The following SECISBP2L variants were observed in gnomAD, a reference collection of about 807,000 sequenced individuals.
SECISBP2L encodes the protein SECIS binding protein 2 like.
Under a neutral mutation model 114.7 loss-of-function variants are expected in SECISBP2L, and 43 were observed. The observed-to-expected ratio is 0.38, with a 90% confidence interval of 0.29 to 0.48. SECISBP2L has a LOEUF of 0.48. Ranked by LOEUF, SECISBP2L falls within the 20% of genes least tolerant of loss-of-function variation. The pLI is 0.98. For missense variants in SECISBP2L, 1,136 were observed against 1,301.1 expected, an observed-to-expected ratio of 0.87 and a Z score of 1.95; for synonymous variants, 451 against 439.7, an observed-to-expected ratio of 1.03 and a Z score of -0.32.
intron 7 of SECISBP2L, among the ~76,000 whole-genome samples, chr15:49,025,515 TG>T (rs1017590316): frequency 2.0e-5 from 3 of 152,184 alleles, no homozygotes; most frequent in African/African-American, 7.2e-5. Context: ...TAAGTACTTA[TG>T]TGTAGAATTT....
intron 12 of SECISBP2L, among the ~76,000 whole-genome samples, chr15:49,012,329 G>A (rs1441543161): frequency 1.3e-5 from 2 of 152,180 alleles, no homozygotes; most frequent in Non-Finnish European, 2.9e-5. Context: ...AAAATGATAT[G>A]TGTAGCAAGC....
intron 14 of SECISBP2L, 75 bp from the exon 15 acceptor site, chr15:49,001,172 T>C (rs1451434030): frequency 7.8e-6 from 7 of 898,648 alleles, no homozygotes; most frequent in East Asian, 2.6e-5. Flanking sequence ...ATTAAGAAAA[T>C]ATCTCTAAGA....
intron 13 of SECISBP2L, among the ~76,000 whole-genome samples, chr15:49,010,703 G>A (rs887620329): frequency 4.6e-5 from 7 of 152,016 alleles, no homozygotes; most frequent in Non-Finnish European, 1.0e-4. Context: ...GTAGAGACAG[G>A]GTTTTGCCTT....
intron 1 of SECISBP2L, among the ~76,000 whole-genome samples, chr15:49,040,201 CAGTATGTGCCTTTATTAA>C (rs1386756635): frequency 6.6e-6 from 1 of 152,172 alleles, no homozygotes; most frequent in Non-Finnish European, 1.5e-5. Context: ...CACATATACA[CAGTATGTGCCTTTATTAA>C]AGTTTGTATT....
At chr15:49,036,493 G>C (rs1903010604) in intron 2 of SECISBP2L, among the ~76,000 whole-genome samples, 1 of 152,070 alleles carries the variant, frequency 6.6e-6, no homozygotes, top group African/African-American at 2.4e-5. Flanking sequence ...AATTCACAAA[G>C]ATTATTTGGT....
At chr15:48,995,842 T>G (rs74014908) in intron 17 of SECISBP2L, 11,304 of 153,686 alleles carry the variant, frequency 0.074, 1,423 homozygotes, top group African/African-American at 0.26. Context: ...CTAGAGTGAA[T>G]ATTATTCACG....
chr15:49,036,773 C>T (rs1480291710), intron 2 of SECISBP2L, among the ~76,000 whole-genome samples: 1 of 152,094 alleles, frequency 6.6e-6, no homozygotes, highest in Non-Finnish European at 1.5e-5. Context: ...ACCATACATC[C>T]ACAATTTCTC....
intron 7 of SECISBP2L, among the ~76,000 whole-genome samples, chr15:49,023,406 AT>A (rs1902680465): frequency 6.6e-6 from 1 of 152,202 alleles, no homozygotes; most frequent in Non-Finnish European, 1.5e-5. Context: ...TACACCCCAA[AT>A]CCTGAAAACG....
chr15:49,028,091 T>A (rs1902789375), intron 6 of SECISBP2L, 53 bp downstream of exon 6: 1 of 1,504,296 alleles, frequency 6.6e-7, no homozygotes, highest in Admixed American at 2.3e-5. Flanking sequence ...AGGAAAACTC[T>A]GATATGGACA....
At chr15:49,012,521 A>C in intron 12 of SECISBP2L, 127 bp downstream of exon 12, 1 of 931,490 alleles carries the variant, frequency 1.1e-6, no homozygotes, top group Non-Finnish European at 1.6e-6. Flanking sequence ...CATTATCGTC[A>C]AGATTCATGT....
chr15:49,012,730 G>C lies in SECISBP2L; in HGVS notation c.1649C>G (p.Ser550Cys). The C allele has an allele frequency of 6.2e-7, 1 of 1,613,748 alleles. No homozygotes were observed. The highest frequency in any genetic ancestry group is 8.5e-7 in the Non-Finnish European group (1 of 1,179,848). The stretch of plus-strand genomic sequence containing the variant: ...TGCTTTAGAAGAAGCAATGTCCACA[G>C]AATTAAAGGATGTCAAACAGGGCTG... ...KSQPCLTSFN[S>C]VDIASSKAKK... Residue 550 changes from serine (S) to cysteine (C), a missense_variant, in exon 12 of 18, where the codon TCT becomes TGT. By Grantham distance (112) the Ser-to-Cys change is moderately radical. Around this residue, in one of 2 missense-constraint regions of SECISBP2L, gnomAD observed 684 missense variants for 848.7 expected, o/e 0.81. Coordinates refer to ENST00000559471, the MANE Select transcript of SECISBP2L (RefSeq NM_001193489.2).
chr15:49,035,422 C>T lies in SECISBP2L; in HGVS notation c.440G>A (p.Cys147Tyr). The T allele has an allele frequency of 1.2e-6, 2 of 1,614,158 alleles. No individual in the cohort carries two copies. The highest frequency in any genetic ancestry group is 1.7e-6 in the Non-Finnish European group (2 of 1,180,030). The part of the protein sequence containing the change: ...ANTVNAITTE[C>Y]TERPSQLGQV... The stretch of plus-strand genomic sequence containing the variant: ...TCCAAGCTGACTTGGACGCTCAGTG[C>T]ATTCTGTGGTGATAGCATTTACAGT... Residue 147 changes from cysteine to tyrosine, a missense_variant, in exon 3 of 18, where the codon TGC becomes TAC. Coordinates refer to ENST00000559471, the MANE Select transcript of SECISBP2L (RefSeq NM_001193489.2).
intron 17 of SECISBP2L, 72 bp from the exon 18 acceptor site, chr15:48,992,998 C>A: frequency 1.6e-6 from 2 of 1,288,134 alleles, no homozygotes; most frequent in Non-Finnish European, 2.2e-6. Flanking sequence ...TAAAAACCCC[C>A]AAAAAAGAAA....
At position 49,009,298 on chromosome 15, in the gene SECISBP2L, G is replaced by C; in HGVS notation, c.1945C>G (p.Gln649Glu). 3 of 1,614,064 alleles carry C rather than the reference G, an allele frequency of 1.9e-6. No homozygotes were observed. Among genetic ancestry groups the C allele is most frequent in the Non-Finnish European group, 2.5e-6 (3 of 1,179,928 alleles). ...NSPYCMTPVS[Q>E]GSPASSGIGS... ...ATTCCAGAACTAGCAGGAGAGCCTTGTGACACAGGTGTCATACAGTATGGA... is the reference window on the plus strand; with the variant it reads ...ATTCCAGAACTAGCAGGAGAGCCTTCTGACACAGGTGTCATACAGTATGGA... Residue 649 changes from glutamine (Q) to glutamate (E), a missense_variant, in exon 14 of 18, where the codon CAA becomes GAA. Gln to Glu is a conservative substitution (Grantham distance 29, BLOSUM62 2). Transcript: ENST00000559471.
chr15:48,995,881 T>G (rs4775792), intron 17 of SECISBP2L: 77,709 of 154,508 alleles, frequency 0.5, 21,786 homozygotes, highest in Non-Finnish European at 0.63. Flanking sequence ...AATACAACAT[T>G]TAAAGTTTTT....
chr15:49,010,124 G>GACACACACAC (rs61663836), intron 13 of SECISBP2L, among the ~76,000 whole-genome samples: 1,503 of 138,734 alleles, frequency 0.011, 18 homozygotes, highest in African/African-American at 0.022. Context: ...AACAGAGGCA[G>GACACACACAC]ACACACACAC....
chr15:49,011,278 C>G (rs1448218930), intron 13 of SECISBP2L, among the ~76,000 whole-genome samples: 2 of 152,232 alleles, frequency 1.3e-5, no homozygotes, highest in East Asian at 3.9e-4. Context: ...ATCTTATCGA[C>G]CAACTAGATT....
At position 49,028,593 on chromosome 15, in the gene SECISBP2L, G is replaced by A. The variant is rs1695435390; in HGVS notation, c.754C>T (p.His252Tyr). The change falls in exon 5 of 18, where the codon CAC becomes TAC. Residue 252 changes from histidine (H) to tyrosine (Y), a missense_variant. Coordinates refer to ENST00000559471, the MANE Select transcript of SECISBP2L (RefSeq NM_001193489.2). ...TCACTAGAAGATTCAGCAGTAGGGT[G>A]GGATGCTCTTCTTCTCCTGCCCTTG... is the stretch of plus-strand genomic sequence containing the variant. The part of the protein sequence containing the change: ...KSKGRRRRAS[H>Y]PTAESSSEQG... 1.2e-6 allele frequency: 2 copies of A among 1,613,974 alleles called. No individual in the cohort carries two copies. Among genetic ancestry groups the A allele is most frequent in the African/African-American group, 1.3e-5 (1 of 74,898 alleles).
chr15:49,043,157 T>C (rs1903176326), intron 1 of SECISBP2L, among the ~76,000 whole-genome samples: 1 of 152,220 alleles, frequency 6.6e-6, no homozygotes, highest in African/African-American at 2.4e-5. Flanking sequence ...ACTTATATCC[T>C]TACGTAAGGG....
Sources: gnomAD v4.1 joint callset for allele counts (sites outside exome capture counted in the v4.1 genomes callset) on GRCh38, gnomAD v4.1.1 for gene constraint, gnomAD v4.1.1 regional missense constraint, MANE v1.5 for transcripts, NCBI Gene and HGNC (gene_info 2026-07-23, HGNC 2026-07-21) for gene names.